The following LRRK2 variants were observed in gnomAD, a reference collection of about 807,000 sequenced individuals.
LRRK2 encodes the protein leucine rich repeat kinase 2, also known as leucine-rich repeat serine/threonine-protein kinase 2.
A neutral mutation model predicts 302.6 loss-of-function variants in LRRK2; 203 were observed. That is an observed-to-expected ratio of 0.67 (90% confidence interval 0.60 to 0.75). The LOEUF (loss-of-function observed/expected upper bound fraction) is 0.75, where lower values mean the gene tolerates loss of function less well. Ranked by LOEUF, LRRK2 falls within the 30% of genes least tolerant of loss-of-function variation. The probability of loss-of-function intolerance (pLI) is 0.00; values close to 1 mark genes in which losing one functional copy is unlikely to be tolerated. For missense variants in LRRK2, 2,830 were observed against 2,951.0 expected, an observed-to-expected ratio of 0.96 and a Z score of 0.95; for synonymous variants, 1,066 against 1,031.9, an observed-to-expected ratio of 1.03 and a Z score of -0.63.
At chr12:40,339,370 A>G (rs970461404) in intron 40 of LRRK2, among the ~76,000 whole-genome samples, 13 of 152,236 alleles carry the variant, frequency 8.5e-5, no homozygotes, top group African/African-American at 2.7e-4. Context: ...TCAGAATTTT[A>G]TAGACATCTA....
chr12:40,301,004 G>T, intron 25 of LRRK2: 1 of 467,570 alleles, frequency 2.1e-6, no homozygotes, highest in Non-Finnish European at 4.4e-6. Flanking sequence ...CCTAGGACAG[G>T]TATGACCTCT....
chr12:40,366,693 A>ACAG, intron 49 of LRRK2: 1 of 302,698 alleles, frequency 3.3e-6, no homozygotes, highest in East Asian at 8.5e-5. Context: ...CTTTTCACAC[A>ACAG]CATTACCTCG....
intron 22 of LRRK2, 151 bp from the exon 23 acceptor site, chr12:40,295,276 C>T (rs1408228992): frequency 7.3e-6 from 5 of 685,562 alleles, no homozygotes. Flanking sequence ...TCATCTCTGC[C>T]ACTGGAATGT....
Position 40,367,891 on chromosome 12 carries a change from G to T in LRRK2, c.*126G>T. 1 of 748,028 alleles carries T rather than the reference G, an allele frequency of 1.3e-6. No individual in the cohort carries two copies. The highest frequency in any genetic ancestry group is 2.0e-6 in the Non-Finnish European group (1 of 497,464). The allele number at this position is 748,028 out of a possible 1,614,324, so 46.3% of individuals were successfully genotyped here. A position where few individuals can be genotyped will look rare whatever the true frequency, so the allele number is the denominator to read the frequency against. The stretch of plus-strand genomic sequence containing the variant: ...AAATAGCTCGTGTGTATGAAGGAAT[G>T]TTATTATTTTTAATTTAAATATATG... On this transcript the variant is annotated 3_prime_UTR_variant, in exon 51 of 51. Transcript: ENST00000298910.
At chr12:40,275,921 A>G (rs1210069924) in intron 16 of LRRK2, among the ~76,000 whole-genome samples, 1 of 152,110 alleles carries the variant, frequency 6.6e-6, no homozygotes, top group Non-Finnish European at 1.5e-5. Flanking sequence ...TGACTCAGGA[A>G]ATATTTTTTG....
At chr12:40,309,735 C>G (rs935020847) in intron 30 of LRRK2, among the ~76,000 whole-genome samples, 1 of 152,092 alleles carries the variant, frequency 6.6e-6, no homozygotes, top group African/African-American at 2.4e-5. Context: ...TTGTTGTCAG[C>G]TATTCCTTCA....
intron 39 of LRRK2, among the ~76,000 whole-genome samples, chr12:40,329,738 TA>T (rs1027141799): frequency 1.3e-5 from 2 of 151,790 alleles, no homozygotes; most frequent in South Asian, 2.1e-4. Flanking sequence ...TACCCTGATT[TA>T]AAAAAAAATT....
intron 49 of LRRK2, chr12:40,365,792 A>G (rs575981701): frequency 1.3e-5 from 2 of 152,072 alleles, no homozygotes; most frequent in Non-Finnish European, 2.9e-5. Context: ...TATATGTGAA[A>G]GAGGAACATG....
chr12:40,313,398 G>T (rs1197470875), intron 31 of LRRK2, among the ~76,000 whole-genome samples: 2 of 151,908 alleles, frequency 1.3e-5, no homozygotes, highest in Non-Finnish European at 2.9e-5. Context: ...CAGAATCACT[G>T]ATGTTTAGAT....
chr12:40,287,901 G>C (rs188528919), intron 20 of LRRK2, among the ~76,000 whole-genome samples: 2 of 151,866 alleles, frequency 1.3e-5, no homozygotes, highest in Non-Finnish European at 2.9e-5. Context: ...ATAATAATTA[G>C]AAAAAATGTA....
At chr12:40,353,857 G>A (rs1051555065) in intron 44 of LRRK2, among the ~76,000 whole-genome samples, 1 of 152,234 alleles carries the variant, frequency 6.6e-6, no homozygotes, top group African/African-American at 2.4e-5. Context: ...GGCGGCGCAC[G>A]CCTGCAATGG....
At position 40,320,040 on chromosome 12, in the gene LRRK2, C is replaced by T. The variant is rs201637880; in HGVS notation, c.4880C>T (p.Ser1627Leu). The T allele has an allele frequency of 1.1e-5, 17 of 1,611,336 alleles. No individual in the cohort carries two copies. The highest frequency in any genetic ancestry group is 4.5e-5 in the East Asian group (2 of 44,824). ...GCPKHPKGII[S>L]RRDVEKFLSK... ...CCAAAACACCCTAAGGGCATTATTT[C>T]GCGTAGAGATGTGGAAAAATTTCTT... The change falls in exon 34 of 51, where the codon TCG becomes TTG. Residue 1627 changes from serine (S) to leucine (L), a missense_variant. This residue lies in a region of LRRK2 where 2,121 missense variants were observed against 2,148.0 expected (regional missense o/e 0.99). Transcript: ENST00000298910.
At chr12:40,304,420 A>G (rs1944739541) in intron 27 of LRRK2, 1 of 501,124 alleles carries the variant, frequency 2.0e-6, no homozygotes, top group Admixed American at 3.8e-5. Context: ...CTAAACAATA[A>G]AACAATATGC....
At chr12:40,361,202 T>A (rs1001898745) in intron 47 of LRRK2, among the ~76,000 whole-genome samples, 11 of 149,720 alleles carry the variant, frequency 7.3e-5, no homozygotes, top group African/African-American at 2.7e-4. Context: ...GAGTGCAGTG[T>A]ATTATAAGTT....
rs112189174 is a variant in LRRK2, at chr12:40,230,612, C to T, written c.238-1662C>T. 2.6e-5 allele frequency among the ~76,000 whole-genome samples: 4 copies of T among 151,364 alleles called. 1 individual carries two copies. Among genetic ancestry groups the T allele is most frequent in the African/African-American group, 7.3e-5 (3 of 41,286 alleles). On this transcript the variant is annotated intron_variant, in intron 2 of 50. Transcript: ENST00000298910. The stretch of plus-strand genomic sequence containing the variant: ...TTCTATTATATTGGTATTTATTACA[C>T]ATCACACTTAGATACTTTTCCATTA...
intron 50 of LRRK2, 101 bp from the exon 51 acceptor site, chr12:40,367,543 T>C: frequency 8.8e-7 from 1 of 1,134,564 alleles, no homozygotes; most frequent in South Asian, 1.7e-5. Flanking sequence ...TATATTTACA[T>C]TTATCTAAGT....
intron 19 of LRRK2, among the ~76,000 whole-genome samples, chr12:40,285,175 T>G (rs1943870814): frequency 6.6e-6 from 1 of 152,132 alleles, no homozygotes; most frequent in African/African-American, 2.4e-5. Context: ...ATTCTTCCTG[T>G]CTCAGTGCTA....
chr12:40,254,587 T>G (rs1942418576), intron 11 of LRRK2, among the ~76,000 whole-genome samples: 1 of 152,034 alleles, frequency 6.6e-6, no homozygotes, highest in African/African-American at 2.4e-5. Context: ...ACCTTTAGAG[T>G]GGAGGTAGAC....
intron 20 of LRRK2, among the ~76,000 whole-genome samples, chr12:40,288,333 T>C (rs1414989004): frequency 1.3e-5 from 2 of 152,012 alleles, no homozygotes; most frequent in East Asian, 3.9e-4. Flanking sequence ...AACATATTCA[T>C]GTGGTCATTG....
Sources: gnomAD v4.1 joint callset for allele counts (sites outside exome capture counted in the v4.1 genomes callset) on GRCh38, gnomAD v4.1.1 for gene constraint, gnomAD v4.1.1 regional missense constraint, MANE v1.5 for transcripts, NCBI Gene and HGNC (gene_info 2026-07-23, HGNC 2026-07-21) for gene names.